Variants in MATCAP2 observed in about 807,000 individuals in gnomAD.
MATCAP2 encodes the protein microtubule associated tyrosine carboxypeptidase 2.
chr7:36,358,270 T>C, the MATCAP2 span, among the ~76,000 whole-genome samples: 1 of 151,468 alleles, frequency 6.6e-6, no homozygotes, highest in Non-Finnish European at 1.5e-5. Context: ...TAAAGTAAAA[T>C]CCAAGGCACT....
chr7:36,357,016 T>C, the MATCAP2 span: 1 of 1,614,080 alleles, frequency 6.2e-7, no homozygotes, highest in Non-Finnish European at 8.5e-7. Context: ...AGAATCTCAG[T>C]TTTTCTTTCT....
At chr7:36,382,028 T>G in the MATCAP2 span, among the ~76,000 whole-genome samples, 1 of 152,170 alleles carries the variant, frequency 6.6e-6, no homozygotes, top group South Asian at 2.1e-4. Context: ...CGCTTTGGCT[T>G]ATGCCTGTAA....
chr7:36,386,611 C>T, the MATCAP2 span, among the ~76,000 whole-genome samples: 6 of 151,984 alleles, frequency 3.9e-5, no homozygotes, highest in African/African-American at 1.5e-4. Flanking sequence ...AACAAAAACC[C>T]TATAAATCCA....
chr7:36,330,236 C>T, the MATCAP2 span, among the ~76,000 whole-genome samples: 1 of 151,918 alleles, frequency 6.6e-6, no homozygotes, highest in African/African-American at 2.4e-5. Flanking sequence ...AGGTGTGTGC[C>T]ACCATGCCCG....
chr7:36,383,899 C>A, the MATCAP2 span: 1 of 1,602,914 alleles, frequency 6.2e-7, no homozygotes, highest in South Asian at 1.1e-5. Flanking sequence ...TTGCCACTGC[C>A]TTATGATTAG....
chr7:36,366,692 G>A, the MATCAP2 span: 1 of 1,534,226 alleles, frequency 6.5e-7, no homozygotes. Flanking sequence ...AGATTCCACA[G>A]CAGGTACTTA....
At chr7:36,382,695 G>A in the MATCAP2 span, among the ~76,000 whole-genome samples, 2 of 152,176 alleles carry the variant, frequency 1.3e-5, no homozygotes, top group South Asian at 2.1e-4. Flanking sequence ...GGGTTTCACC[G>A]TGTTAGCCAG....
chr7:36,351,902 C>T, the MATCAP2 span, among the ~76,000 whole-genome samples: 4 of 140,942 alleles, frequency 2.8e-5, no homozygotes, highest in Non-Finnish European at 6.0e-5. Flanking sequence ...GCCATGTTTG[C>T]ACCACTGTAC....
the MATCAP2 span, among the ~76,000 whole-genome samples, chr7:36,371,112 A>T: frequency 6.6e-6 from 1 of 152,002 alleles, no homozygotes; most frequent in Non-Finnish European, 1.5e-5. Flanking sequence ...ATTTTATTTC[A>T]TTTTTTGTTT....
At chr7:36,347,211 A>G in the MATCAP2 span, among the ~76,000 whole-genome samples, 4 of 152,304 alleles carry the variant, frequency 2.6e-5, no homozygotes, top group Non-Finnish European at 5.9e-5. Flanking sequence ...TCACTAATCT[A>G]GAAAAAAAAG....
At chr7:36,381,329 A>T in the MATCAP2 span, among the ~76,000 whole-genome samples, 5 of 152,028 alleles carry the variant, frequency 3.3e-5, no homozygotes, top group South Asian at 2.1e-4. Flanking sequence ...ATGAAAAGGG[A>T]GGAGAAGGTC....
chr7:36,375,126 C>T, the MATCAP2 span, among the ~76,000 whole-genome samples: 2 of 152,222 alleles, frequency 1.3e-5, no homozygotes, highest in Non-Finnish European at 2.9e-5. Flanking sequence ...CTGTCTTCCA[C>T]AATGGTTGAA....
chr7:36,342,687 C>T, the MATCAP2 span, among the ~76,000 whole-genome samples: 154 of 151,026 alleles, frequency 1.0e-3, no homozygotes, highest in East Asian at 0.018. Context: ...TGCAGTGGTG[C>T]GATCTTGGCT....
At chr7:36,352,314 T>G in the MATCAP2 span, among the ~76,000 whole-genome samples, 6 of 150,294 alleles carry the variant, frequency 4.0e-5, no homozygotes, top group African/African-American at 1.5e-4. Context: ...GGAGAATCGC[T>G]TGAACCCAGG....
the MATCAP2 span, among the ~76,000 whole-genome samples, chr7:36,364,962 A>G: frequency 8.3e-4 from 127 of 152,298 alleles, no homozygotes; most frequent in Middle Eastern, 6.8e-3. Flanking sequence ...CAAATTGTCT[A>G]CCTCAGGGTT....
At chr7:36,383,617 A>G in the MATCAP2 span, among the ~76,000 whole-genome samples, 1 of 152,162 alleles carries the variant, frequency 6.6e-6, no homozygotes, top group East Asian at 1.9e-4. Flanking sequence ...GAACAATGAG[A>G]ATGCATGGAC....
At chr7:36,350,087 TC>T in the MATCAP2 span, among the ~76,000 whole-genome samples, 1 of 152,154 alleles carries the variant, frequency 6.6e-6, no homozygotes, top group Non-Finnish European at 1.5e-5. Context: ...TACTTTTTCC[TC>T]CCCTTCATTG....
At chr7:36,349,376 A>G in the MATCAP2 span, among the ~76,000 whole-genome samples, 3 of 152,238 alleles carry the variant, frequency 2.0e-5, no homozygotes, top group Non-Finnish European at 4.4e-5. Context: ...ATAAAAAGAA[A>G]CAAACCAAAA....
chr7:36,373,451 G>A, the MATCAP2 span, among the ~76,000 whole-genome samples: 3 of 152,064 alleles, frequency 2.0e-5, 1 homozygote, highest in South Asian at 6.2e-4. Flanking sequence ...TCTAGGCAAA[G>A]GAATTGCAAA....
Sources: allele counts gnomAD v4.1 joint callset (sites outside exome capture counted in the v4.1 genomes callset), GRCh38; gene constraint gnomAD v4.1.1; transcripts MANE v1.5; gene names NCBI Gene and HGNC (gene_info 2026-07-23, HGNC 2026-07-21).